TAFA2: variants seen among roughly 807,000 people sequenced by gnomAD.
The protein encoded by TAFA2 is chemokine-like protein TAFA-2.
Under a neutral mutation model 18.8 loss-of-function variants are expected in TAFA2, and 7 were observed. The ratio of observed to expected loss-of-function variants is 0.37; its 90% CI spans 0.21 to 0.70. The LOEUF (loss-of-function observed/expected upper bound fraction) is 0.70, where lower values mean the gene tolerates loss of function less well. Among genes scored for constraint, TAFA2 ranks in the 30% least tolerant of loss-of-function variants. The pLI, the probability that TAFA2 is intolerant of heterozygous loss-of-function variation, is 0.53. For missense variants in TAFA2, 122 were observed against 158.1 expected (o/e 0.77, Z 1.23); for synonymous variants, 60 against 54.2 (o/e 1.11, Z -0.47).
chr12:61,758,802 G>A (rs1869396127), intron 2 of TAFA2, among the ~76,000 whole-genome samples: 1 of 151,992 alleles, frequency 6.6e-6, no homozygotes, highest in Non-Finnish European at 1.5e-5. Context: ...TTCTGGGGAT[G>A]CTTGGACTTC....
intron 2 of TAFA2, among the ~76,000 whole-genome samples, chr12:61,802,882 A>G (rs1565639218): frequency 1.3e-5 from 2 of 151,988 alleles, no homozygotes; most frequent in South Asian, 4.1e-4. Flanking sequence ...TTATATGGTA[A>G]CAAAAAGAAA....
At chr12:61,883,471 A>T (rs1875238337) in intron 1 of TAFA2, among the ~76,000 whole-genome samples, 1 of 152,198 alleles carries the variant, frequency 6.6e-6, no homozygotes, top group African/African-American at 2.4e-5. Flanking sequence ...AGCTATTACG[A>T]AGTTCTTATT....
intron 1 of TAFA2, among the ~76,000 whole-genome samples, chr12:61,867,960 T>C (rs1467916293): frequency 6.6e-6 from 1 of 152,082 alleles, no homozygotes; most frequent in African/African-American, 2.4e-5. Context: ...AGTAACCTGA[T>C]CCTCCTAATG....
intron 2 of TAFA2, among the ~76,000 whole-genome samples, chr12:61,840,667 A>G (rs562287413): frequency 6.6e-6 from 1 of 152,202 alleles, no homozygotes; most frequent in South Asian, 2.1e-4. Flanking sequence ...TGGATATTAA[A>G]GACCTCCAGT....
chr12:62,012,357 G>C (rs1252805782), intron 1 of TAFA2, among the ~76,000 whole-genome samples: 1 of 150,606 alleles, frequency 6.6e-6, no homozygotes, highest in Non-Finnish European at 1.5e-5. Flanking sequence ...TAGGTGATGT[G>C]CCCTATTGAA....
intron 1 of TAFA2, among the ~76,000 whole-genome samples, chr12:61,993,039 T>C (rs1880062080): frequency 6.6e-6 from 1 of 152,214 alleles, no homozygotes; most frequent in African/African-American, 2.4e-5. Flanking sequence ...TTACATTTCA[T>C]GTCCAAAATC....
At chr12:61,906,870 G>A (rs1386545341) in intron 1 of TAFA2, among the ~76,000 whole-genome samples, 1 of 152,182 alleles carries the variant, frequency 6.6e-6, no homozygotes, top group Non-Finnish European at 1.5e-5. Flanking sequence ...TTTTGCCCCT[G>A]CTCTAGAGAT....
Position 62,257,536 on chromosome 12 carries a change from G to A in TAFA2, c.-130+1227C>T, listed in dbSNP as rs966100670. ...GGTTTGGAATTACTAGAGGGTAAAGGAATCCTTCCTAGAGAATCTCTAATT... is the reference window on the plus strand; with the variant it reads ...GGTTTGGAATTACTAGAGGGTAAAGAAATCCTTCCTAGAGAATCTCTAATT... On this transcript the variant is annotated intron_variant, in intron 1 of 5. Coordinates refer to the TAFA2 transcript ENST00000551619. 3.3e-5 allele frequency among the ~76,000 whole-genome samples: 5 copies of A among 152,230 alleles called. No homozygotes were observed. In the East Asian group the frequency reaches 9.7e-4, roughly 29 times the overall value.
chr12:61,712,578 T>A (rs1363991723), intron 4 of TAFA2, among the ~76,000 whole-genome samples: 1 of 152,144 alleles, frequency 6.6e-6, no homozygotes, highest in South Asian at 2.1e-4. Context: ...CATGATGATA[T>A]CTTTCTATCA....
chr12:62,092,897 C>T (rs556844990), intron 1 of TAFA2, among the ~76,000 whole-genome samples: 1 of 151,952 alleles, frequency 6.6e-6, no homozygotes, highest in African/African-American at 2.4e-5. Flanking sequence ...TCCCAAATCC[C>T]ATATAATTTT....
chr12:61,857,368 T>C (rs139292115), intron 2 of TAFA2, among the ~76,000 whole-genome samples: 22 of 152,320 alleles, frequency 1.4e-4, no homozygotes, highest in Non-Finnish European at 2.8e-4. Flanking sequence ...ATAAGGATAT[T>C]CAATTTAATT....
At chr12:61,875,386 A>G (rs981362031) in intron 1 of TAFA2, among the ~76,000 whole-genome samples, 1 of 151,986 alleles carries the variant, frequency 6.6e-6, no homozygotes, top group Non-Finnish European at 1.5e-5. Flanking sequence ...TTATAGTATT[A>G]TCTATCTCCT....
At chr12:62,132,470 T>C (rs981257231) in intron 1 of TAFA2, among the ~76,000 whole-genome samples, 1 of 151,944 alleles carries the variant, frequency 6.6e-6, no homozygotes, top group Non-Finnish European at 1.5e-5. Context: ...CTAAATGCAA[T>C]AGTCCAATTA....
upstream of TAFA2, among the ~76,000 whole-genome samples, chr12:62,195,450 C>A (rs2062645031): frequency 1.3e-5 from 2 of 152,130 alleles, no homozygotes; most frequent in Admixed American, 1.3e-4. Context: ...GAATCATTAT[C>A]TATGACAGAT....
intron 4 of TAFA2, among the ~76,000 whole-genome samples, chr12:61,747,735 G>A (rs1223729404): frequency 7.3e-5 from 10 of 136,184 alleles, no homozygotes; most frequent in Non-Finnish European, 6.2e-5. Flanking sequence ...GGAGCGGGGA[G>A]GGATAGCACT....
chr12:61,795,759 A>C (rs1871162084), intron 2 of TAFA2, among the ~76,000 whole-genome samples: 1 of 151,990 alleles, frequency 6.6e-6, no homozygotes, highest in South Asian at 2.1e-4. Flanking sequence ...AAACTAAAAA[A>C]TGCAAAAAAA....
At chr12:62,244,255 A>G (rs1192350955) in intron 1 of TAFA2, among the ~76,000 whole-genome samples, 2 of 97,772 alleles carry the variant, frequency 2.0e-5, no homozygotes, top group Non-Finnish European at 2.1e-5. Context: ...TTTTTTTTGC[A>G]TAATGTTTTA....
At chr12:62,166,549 T>A (rs572610928) in intron 1 of TAFA2, among the ~76,000 whole-genome samples, 1 of 152,262 alleles carries the variant, frequency 6.6e-6, no homozygotes, top group South Asian at 2.1e-4. Context: ...TTTCCCTTTT[T>A]TTCTCATCTT....
intron 1 of TAFA2, among the ~76,000 whole-genome samples, chr12:62,218,507 A>G (rs2136977175): frequency 6.6e-6 from 1 of 152,330 alleles, no homozygotes; most frequent in South Asian, 2.1e-4. Flanking sequence ...CAGCAAAGAA[A>G]AAGCTAAATA....
Sources: allele counts gnomAD v4.1 joint callset (sites outside exome capture counted in the v4.1 genomes callset), GRCh38; gene constraint gnomAD v4.1.1; transcripts MANE v1.5; gene names NCBI Gene and HGNC (gene_info 2026-07-23, HGNC 2026-07-21).